Variants in FAR2 observed in about 807,000 individuals in gnomAD.
FAR2 encodes the protein epididymis secretory protein Li 81.
In FAR2, 19 loss-of-function variants were observed where a neutral mutation model predicts 56.0. The ratio of observed to expected loss-of-function variants is 0.34; its 90% CI spans 0.24 to 0.50. FAR2 has a LOEUF of 0.50. FAR2 is among the 20% of genes least tolerant of loss of function. The pLI, the probability that FAR2 is intolerant of heterozygous loss-of-function variation, is 0.98. For synonymous variants in FAR2, 219 were observed against 218.8 expected, an observed-to-expected ratio of 1.00 and a Z score of -0.01; for missense variants, 508 against 642.2, an observed-to-expected ratio of 0.79 and a Z score of 2.26.
chr12:29,270,584 G>A lies in FAR2; in HGVS notation c.135G>A (p.Arg45=). The A allele has an allele frequency of 6.2e-7, 1 of 1,614,004 alleles. No homozygotes were observed. ...TGAAAGTCATTTACATCCTTGTGAGGCCCAAGGCTGGCCAGACACTGCAGC... is the reference window on the plus strand; with the variant it reads ...TGAAAGTCATTTACATCCTTGTGAGACCCAAGGCTGGCCAGACACTGCAGC... ...PDLKVIYILV[R]PKAGQTLQQR... is the part of the protein sequence containing the mutation. The change falls in exon 2 of 12, where the codon AGG becomes AGA. Residue 45 remains arginine, a synonymous_variant. Coordinates refer to ENST00000536681, the MANE Select transcript of FAR2 (RefSeq NM_001271783.2).
At chr12:29,248,886 T>C (rs576092739) in intron 1 of FAR2, among the ~76,000 whole-genome samples, 12 of 152,328 alleles carry the variant, frequency 7.9e-5, no homozygotes, top group Non-Finnish European at 1.6e-4. Flanking sequence ...AGAAGAGATA[T>C]ATGGCTCTGT....
chr12:29,296,170 G>T (rs1225145074), intron 3 of FAR2, among the ~76,000 whole-genome samples: 2 of 141,820 alleles, frequency 1.4e-5, no homozygotes, highest in African/African-American at 2.4e-5. Flanking sequence ...TATATAATCC[G>T]ACAGTAATTT....
chr12:29,210,815 G>A (rs567783182), intron 1 of FAR2, among the ~76,000 whole-genome samples: 47 of 152,122 alleles, frequency 3.1e-4, no homozygotes, highest in Non-Finnish European at 5.1e-4. Flanking sequence ...AATCGGGTGC[G>A]GTGGCATGGG....
chr12:29,190,275 CA>C (rs1190884128), intron 1 of FAR2, among the ~76,000 whole-genome samples: 10 of 149,976 alleles, frequency 6.7e-5, no homozygotes, highest in Non-Finnish European at 1.5e-4. Flanking sequence ...TAATTGAAGC[CA>C]GGGGGCTAGA....
intron 1 of FAR2, among the ~76,000 whole-genome samples, chr12:29,256,830 C>A (rs924191137): frequency 6.6e-6 from 1 of 152,250 alleles, no homozygotes; most frequent in Non-Finnish European, 1.5e-5. Flanking sequence ...GCAGTGCCAG[C>A]CCAACGGCGC....
At chr12:29,173,951 G>A (rs969894711) in intron 1 of FAR2, among the ~76,000 whole-genome samples, 2 of 152,084 alleles carry the variant, frequency 1.3e-5, no homozygotes, top group African/African-American at 4.8e-5. Flanking sequence ...ACCACAAAGA[G>A]GACTGAGGAA....
At chr12:29,251,693 A>T (rs892301622) in intron 1 of FAR2, among the ~76,000 whole-genome samples, 3 of 152,164 alleles carry the variant, frequency 2.0e-5, no homozygotes, top group African/African-American at 7.2e-5. Flanking sequence ...AGAAGAAACA[A>T]CTAGAACTGC....
At chr12:29,267,394 T>C (rs957330497) in intron 1 of FAR2, among the ~76,000 whole-genome samples, 1 of 152,244 alleles carries the variant, frequency 6.6e-6, no homozygotes, top group African/African-American at 2.4e-5. Context: ...ATTAAGTGGA[T>C]ACTTTTGTTT....
chr12:29,253,488 G>C (rs946275622), intron 1 of FAR2, among the ~76,000 whole-genome samples: 2 of 151,134 alleles, frequency 1.3e-5, no homozygotes, highest in Non-Finnish European at 3.0e-5. Flanking sequence ...TATATGTATT[G>C]GTCATTTCTC....
At chr12:29,252,849 A>G (rs1948235173) in intron 1 of FAR2, among the ~76,000 whole-genome samples, 1 of 152,326 alleles carries the variant, frequency 6.6e-6, no homozygotes, top group Non-Finnish European at 1.5e-5. Context: ...GCTGGGCAGT[A>G]GTGCCCAGGT....
chr12:29,200,567 AT>A (rs752083738), intron 1 of FAR2, among the ~76,000 whole-genome samples: 7 of 152,198 alleles, frequency 4.6e-5, no homozygotes, highest in Non-Finnish European at 1.0e-4. Context: ...GGTGGGAAAA[AT>A]ATTAGAGATA....
intron 1 of FAR2, among the ~76,000 whole-genome samples, chr12:29,185,488 C>T (rs1372767365): frequency 6.6e-6 from 1 of 152,184 alleles, no homozygotes; most frequent in African/African-American, 2.4e-5. Flanking sequence ...AAACTTAGAA[C>T]ATTATACCGG....
intron 1 of FAR2, among the ~76,000 whole-genome samples, chr12:29,156,272 C>T (rs1470912939): frequency 1.3e-5 from 2 of 152,128 alleles, no homozygotes; most frequent in Non-Finnish European, 2.9e-5. Flanking sequence ...TAAGTGATGG[C>T]TACTGTATCC....
intron 1 of FAR2, among the ~76,000 whole-genome samples, chr12:29,169,626 A>T (rs566982535): frequency 5.7e-4 from 86 of 152,044 alleles, no homozygotes; most frequent in African/African-American, 1.9e-3. Flanking sequence ...TAAAAACAAC[A>T]CTCTTCCCCT....
intron 1 of FAR2, among the ~76,000 whole-genome samples, chr12:29,161,436 A>G (rs1949781040): frequency 6.6e-6 from 1 of 152,150 alleles, no homozygotes; most frequent in Admixed American, 6.5e-5. Flanking sequence ...TATTTACTCA[A>G]TATTATGTTT....
At chr12:29,232,198 C>T (rs1401913445) in intron 1 of FAR2, among the ~76,000 whole-genome samples, 1 of 152,136 alleles carries the variant, frequency 6.6e-6, no homozygotes, top group Non-Finnish European at 1.5e-5. Flanking sequence ...CAACTTTCCC[C>T]TTGAAAACTA....
At chr12:29,218,269 G>A (rs1268088701) in intron 1 of FAR2, among the ~76,000 whole-genome samples, 1 of 151,622 alleles carries the variant, frequency 6.6e-6, no homozygotes, top group Non-Finnish European at 1.5e-5. Flanking sequence ...TGAGGCAGAA[G>A]AATGGCGTGA....
chr12:29,301,160 C>G (rs537456578), intron 4 of FAR2, among the ~76,000 whole-genome samples: 2 of 152,302 alleles, frequency 1.3e-5, no homozygotes, highest in South Asian at 4.1e-4. Context: ...AGTACAAAAA[C>G]TTTAGCACAT....
At chr12:29,158,912 T>A (rs1035209035) in intron 1 of FAR2, among the ~76,000 whole-genome samples, 2 of 152,246 alleles carry the variant, frequency 1.3e-5, no homozygotes, top group Non-Finnish European at 2.9e-5. Context: ...ATCCACATCT[T>A]ATGACTGCAA....
Sources: allele counts gnomAD v4.1 joint callset (sites outside exome capture counted in the v4.1 genomes callset), GRCh38; gene constraint gnomAD v4.1.1; transcripts MANE v1.5; gene names NCBI Gene and HGNC (gene_info 2026-07-23, HGNC 2026-07-21).